The following CCSER1 variants were observed in gnomAD, a reference collection of about 807,000 sequenced individuals.
CCSER1 encodes coiled-coil serine rich protein 1.
In CCSER1, 41 loss-of-function variants were observed where a neutral mutation model predicts 82.0. That is an observed-to-expected ratio of 0.50 (90% CI 0.39 to 0.65). The LOEUF is 0.65. Ranked by LOEUF, CCSER1 falls within the 30% of genes least tolerant of loss-of-function variation. CCSER1 has a pLI of 0.00. For missense variants in CCSER1, 1,119 were observed against 1,064.2 expected (o/e 1.05, Z -0.72); for synonymous variants, 414 against 383.9 (o/e 1.08, Z -0.92).
At chr4:90,489,337 G>T (rs956969899) in intron 5 of CCSER1, among the ~76,000 whole-genome samples, 5 of 151,988 alleles carry the variant, frequency 3.3e-5, no homozygotes, top group African/African-American at 4.8e-5. Flanking sequence ...CCTCTTTTGA[G>T]CTGCAAAAGA....
intron 1 of CCSER1, among the ~76,000 whole-genome samples, chr4:90,229,208 G>C (rs1370834631): frequency 6.6e-6 from 1 of 152,056 alleles, no homozygotes; most frequent in Non-Finnish European, 1.5e-5. Flanking sequence ...ATATGTTAAG[G>C]GCAGCCAGAG....
chr4:91,188,037 A>C (rs1734710613), intron 10 of CCSER1, among the ~76,000 whole-genome samples: 1 of 152,052 alleles, frequency 6.6e-6, no homozygotes, highest in Admixed American at 6.6e-5. Flanking sequence ...TCCAGAGTCC[A>C]AGATTAAAAG....
chr4:90,476,273 C>A (rs939625286), intron 5 of CCSER1, among the ~76,000 whole-genome samples: 1 of 152,160 alleles, frequency 6.6e-6, no homozygotes, highest in African/African-American at 2.4e-5. Context: ...GCTCCCACCA[C>A]TAGGAGACTA....
intron 10 of CCSER1, among the ~76,000 whole-genome samples, chr4:91,378,391 G>A (rs1481510906): frequency 6.6e-6 from 1 of 152,188 alleles, no homozygotes; most frequent in Non-Finnish European, 1.5e-5. Flanking sequence ...AGCATGGAAT[G>A]TTCTTCCATT....
intron 8 of CCSER1, among the ~76,000 whole-genome samples, chr4:90,893,067 T>G (rs1418020538): frequency 6.6e-6 from 1 of 152,040 alleles, no homozygotes; most frequent in African/African-American, 2.4e-5. Context: ...GAGCTCATAT[T>G]ATCTGTGCAA....
intron 10 of CCSER1, among the ~76,000 whole-genome samples, chr4:91,507,609 C>CT (rs55879886): frequency 7.3e-5 from 11 of 150,210 alleles, no homozygotes; most frequent in East Asian, 2.0e-4. Context: ...ATTAGGTTGT[C>CT]TTTTTTTTTG....
At position 90,308,689 on chromosome 4, in the gene CCSER1, T is replaced by C. The variant is rs1332954403; in HGVS notation, c.405T>C (p.Phe135=). 6.2e-7 allele frequency: 1 copy of C among 1,613,588 alleles called. No individual in the cohort carries two copies. The highest frequency in any genetic ancestry group is 2.2e-5 in the East Asian group (1 of 44,838). Residue 135 remains phenylalanine, a synonymous_variant, in exon 2 of 11, where the codon TTT becomes TTC. Coordinates refer to ENST00000509176, the MANE Select transcript of CCSER1 (RefSeq NM_001145065.2). ...TAACAAGATCTTTGACAGAGGATTTTGAAAGGGAAAAAGAGCACTCAACTA... is the reference window on the plus strand; with the variant it reads ...TAACAAGATCTTTGACAGAGGATTTCGAAAGGGAAAAAGAGCACTCAACTA... The part of the protein sequence containing the change: ...KKITRSLTED[F]EREKEHSTNK...
intron 9 of CCSER1, among the ~76,000 whole-genome samples, chr4:91,029,166 G>GT (rs1278854356): frequency 3.3e-5 from 5 of 151,656 alleles, no homozygotes; most frequent in Non-Finnish European, 5.9e-5. Context: ...AGTTATCTGA[G>GT]TTTTTTTCTC....
chr4:91,064,781 G>C (rs1744225548), intron 9 of CCSER1, among the ~76,000 whole-genome samples: 1 of 152,192 alleles, frequency 6.6e-6, no homozygotes, highest in African/African-American at 2.4e-5. Flanking sequence ...CCCTTCTAAA[G>C]AGTAGTTTAA....
chr4:91,077,203 A>G (rs1722091439), intron 9 of CCSER1, among the ~76,000 whole-genome samples: 1 of 152,186 alleles, frequency 6.6e-6, no homozygotes, highest in Admixed American at 6.5e-5. Context: ...GAGAGCACAG[A>G]GGGACCAAGC....
chr4:91,357,088 C>T (rs949969960), intron 10 of CCSER1, among the ~76,000 whole-genome samples: 6 of 152,054 alleles, frequency 3.9e-5, no homozygotes, highest in Admixed American at 2.0e-4. Context: ...TCTTAACTGC[C>T]GAAGTTTGTT....
intron 10 of CCSER1, among the ~76,000 whole-genome samples, chr4:91,405,666 C>G (rs1039775493): frequency 2.0e-5 from 3 of 152,162 alleles, no homozygotes; most frequent in African/African-American, 4.8e-5. Flanking sequence ...TGGCATTGGA[C>G]CCTCCAATCT....
intron 8 of CCSER1, among the ~76,000 whole-genome samples, chr4:90,906,852 C>A (rs1274662079): frequency 6.6e-6 from 1 of 151,860 alleles, no homozygotes; most frequent in East Asian, 1.9e-4. Flanking sequence ...TTAGTCAGTG[C>A]CATTTTAACT....
chr4:90,822,326 T>C (rs1203855191), intron 8 of CCSER1, among the ~76,000 whole-genome samples: 1 of 152,198 alleles, frequency 6.6e-6, no homozygotes, highest in African/African-American at 2.4e-5. Context: ...TTCTGAACTT[T>C]TGGGGTTTCT....
intron 10 of CCSER1, among the ~76,000 whole-genome samples, chr4:91,162,915 T>G (rs1000727830): frequency 4.6e-5 from 7 of 152,180 alleles, no homozygotes; most frequent in African/African-American, 1.7e-4. Flanking sequence ...GAAGGGTTTT[T>G]TGTGTCTCTA....
At chr4:91,531,198 C>A (rs1395829443) in intron 10 of CCSER1, among the ~76,000 whole-genome samples, 2 of 152,042 alleles carry the variant, frequency 1.3e-5, no homozygotes, top group African/African-American at 4.8e-5. Flanking sequence ...CTGCCTTAAT[C>A]CAAAGACTGA....
chr4:90,387,478 G>C (rs1021934233), intron 3 of CCSER1, among the ~76,000 whole-genome samples: 3 of 152,164 alleles, frequency 2.0e-5, no homozygotes, highest in African/African-American at 7.2e-5. Flanking sequence ...ATACCTGATA[G>C]GAGTGTCTTT....
chr4:91,183,938 T>G (rs527869144), intron 10 of CCSER1, among the ~76,000 whole-genome samples: 19 of 152,352 alleles, frequency 1.2e-4, no homozygotes, highest in African/African-American at 4.1e-4. Context: ...TGTCCCCTAC[T>G]AATTTTTGAA....
At chr4:90,373,189 T>C (rs1336180583) in intron 3 of CCSER1, among the ~76,000 whole-genome samples, 1 of 152,104 alleles carries the variant, frequency 6.6e-6, no homozygotes, top group Non-Finnish European at 1.5e-5. Context: ...TGTATGTTTA[T>C]GGATGGTATG....
Sources: gnomAD v4.1 joint callset for allele counts (sites outside exome capture counted in the v4.1 genomes callset) on GRCh38, gnomAD v4.1.1 for gene constraint, MANE v1.5 for transcripts, NCBI Gene and HGNC (gene_info 2026-07-23, HGNC 2026-07-21) for gene names.